PHACTR3: variants seen among roughly 807,000 people sequenced by gnomAD.
PHACTR3 encodes phosphatase and actin regulator 3.
PHACTR3 carries 16 observed loss-of-function variants against 66.8 expected under a neutral mutation model. The observed-to-expected ratio is 0.24, with a 90% CI of 0.16 to 0.36. The LOEUF (loss-of-function observed/expected upper bound fraction) is 0.36. Among genes scored for constraint, PHACTR3 ranks in the 10% least tolerant of loss-of-function variants. PHACTR3 has a pLI of 1.00. For synonymous variants in PHACTR3, 323 were observed against 292.1 expected, an observed-to-expected ratio of 1.11 and a Z score of -1.08; for missense variants, 647 against 719.9, an observed-to-expected ratio of 0.90 and a Z score of 1.16.
chr20:59,781,794 G>A (rs1601342909), intron 7 of PHACTR3, among the ~76,000 whole-genome samples: 1 of 152,072 alleles, frequency 6.6e-6, no homozygotes, highest in Admixed American at 6.5e-5. Flanking sequence ...TGTCCTAGGA[G>A]TAAGGCCCTA....
chr20:59,770,587 C>A (rs2040327322), intron 5 of PHACTR3, among the ~76,000 whole-genome samples: 1 of 152,198 alleles, frequency 6.6e-6, no homozygotes, highest in African/African-American at 2.4e-5. Context: ...AGGGTGCCGG[C>A]AGATTTGGTG....
chr20:59,675,811 C>T (rs1161446107), intron 1 of PHACTR3, among the ~76,000 whole-genome samples: 1 of 152,218 alleles, frequency 6.6e-6, no homozygotes, highest in Admixed American at 6.5e-5. Context: ...CTGAGAAACC[C>T]TGCACCAGGC....
Position 59,837,067 on chromosome 20 carries a change from C to T in PHACTR3, c.1384+507C>T, listed in dbSNP as rs186754409. Among the ~76,000 whole-genome samples, 876 of 152,256 alleles carry T rather than the reference C, an allele frequency of 5.8e-3. 5 individuals are homozygous for T. Among genetic ancestry groups the T allele is most frequent in the Non-Finnish European group, 6.1e-3 (417 of 68,010 alleles). ...CAGCCTTGCAACCCCTTGCATTTCC[C>T]GTTAGGTGGACAATTATAGCATATG... On this transcript the variant is annotated intron_variant, in intron 9 of 12. Coordinates refer to ENST00000371015, the MANE Select transcript of PHACTR3 (RefSeq NM_080672.5).
chr20:59,690,476 G>T (rs974023894), intron 1 of PHACTR3, among the ~76,000 whole-genome samples: 1 of 152,204 alleles, frequency 6.6e-6, no homozygotes, highest in Admixed American at 6.5e-5. Context: ...CTTCCTGAGA[G>T]CCAAGGTCAC....
chr20:59,761,180 G>A (rs1276971590), intron 4 of PHACTR3, among the ~76,000 whole-genome samples: 1 of 152,116 alleles, frequency 6.6e-6, no homozygotes, highest in South Asian at 2.1e-4. Context: ...GTGGAGCACT[G>A]CTCTAGTGGG....
chr20:59,826,651 T>TCCCTGC (rs1199555052), intron 8 of PHACTR3, among the ~76,000 whole-genome samples: 3 of 151,852 alleles, frequency 2.0e-5, no homozygotes, highest in Admixed American at 6.6e-5. Context: ...ACACACTCTG[T>TCCCTGC]CCCTGCCCTG....
intron 7 of PHACTR3, among the ~76,000 whole-genome samples, chr20:59,785,929 C>T (rs1182511): frequency 0.78 from 119,193 of 152,162 alleles, 49,830 homozygotes; most frequent in Non-Finnish European, 0.94. Context: ...GGTTTTCCAA[C>T]GGCCCTCTGC....
intron 1 of PHACTR3, among the ~76,000 whole-genome samples, chr20:59,657,678 C>T (rs2035665759): frequency 6.6e-6 from 1 of 152,084 alleles, no homozygotes. Context: ...GCTGTTAATC[C>T]TATTGAGGCA....
intron 1 of PHACTR3, among the ~76,000 whole-genome samples, chr20:59,625,880 G>T (rs1451139937): frequency 6.6e-6 from 1 of 152,132 alleles, no homozygotes; most frequent in African/African-American, 2.4e-5. Context: ...CTAGATCTGG[G>T]TGGCATTTGG....
At chr20:59,846,706 G>A (rs1014187524) in intron 12 of PHACTR3, among the ~76,000 whole-genome samples, 1 of 151,934 alleles carries the variant, frequency 6.6e-6, no homozygotes, top group South Asian at 2.1e-4. Context: ...GAGTCAGAAC[G>A]GTATTTTTGG....
At chr20:59,728,599 C>T (rs925224862) in intron 1 of PHACTR3, among the ~76,000 whole-genome samples, 4 of 151,998 alleles carry the variant, frequency 2.6e-5, no homozygotes, top group African/African-American at 9.7e-5. Flanking sequence ...GCTTTCTTAA[C>T]TCCTATTGAT....
intron 1 of PHACTR3, among the ~76,000 whole-genome samples, chr20:59,656,641 A>G (rs1015057984): frequency 6.6e-6 from 1 of 151,956 alleles, no homozygotes; most frequent in South Asian, 2.1e-4. Context: ...ATTTATTGTT[A>G]TAATGGATAT....
intron 8 of PHACTR3, among the ~76,000 whole-genome samples, chr20:59,833,851 G>C (rs772521135): frequency 1.4e-4 from 22 of 152,222 alleles, no homozygotes; most frequent in Non-Finnish European, 2.8e-4. Flanking sequence ...CAGTAGAGAA[G>C]GGGCTGCTGG....
chr20:59,731,535 T>G (rs1045324232), intron 1 of PHACTR3, among the ~76,000 whole-genome samples: 2 of 152,182 alleles, frequency 1.3e-5, no homozygotes, highest in African/African-American at 4.8e-5. Flanking sequence ...ATTTACAGAT[T>G]TGAGCTGAAT....
intron 1 of PHACTR3, among the ~76,000 whole-genome samples, chr20:59,611,942 G>A (rs2033864288): frequency 6.6e-6 from 1 of 152,184 alleles, no homozygotes; most frequent in African/African-American, 2.4e-5. Context: ...TTCAGGGAAG[G>A]TGCTTTTTAG....
chr20:59,614,217 T>C (rs555919551), intron 1 of PHACTR3, among the ~76,000 whole-genome samples: 5 of 152,352 alleles, frequency 3.3e-5, no homozygotes, highest in Non-Finnish European at 5.9e-5. Context: ...GGAATAGATA[T>C]GTGTGTTTCA....
At chr20:59,834,567 CTCT>C (rs2042472506) in intron 8 of PHACTR3, among the ~76,000 whole-genome samples, 1 of 152,218 alleles carries the variant, frequency 6.6e-6, no homozygotes, top group African/African-American at 2.4e-5. Context: ...CAGAAGTTTC[CTCT>C]TCCATGAAGC....
chr20:59,622,981 C>CAAAAAAAAAAAA lies in PHACTR3; in HGVS notation c.118+17858_118+17869dup, dbSNP rs71183177. Reference sequence around the variant, plus strand: ...ATTCTAATTTTACAGCAGCTTTAACCAAAAAAAAAAAAAAAAAAAACCCAA... The same window carrying CAAAAAAAAAAAA: ...ATTCTAATTTTACAGCAGCTTTAACCAAAAAAAAAAAAAAAAAAAAAAAAAAAAAAAACCCAA... On this transcript the variant is annotated intron_variant, in intron 1 of 12. Transcript: ENST00000371015. Among the ~76,000 whole-genome samples the CAAAAAAAAAAAA allele has an allele frequency of 2.5e-3, 79 of 32,196 alleles. 15 individuals are homozygous for CAAAAAAAAAAAA. Among genetic ancestry groups the CAAAAAAAAAAAA allele is most frequent in the African/African-American group, 2.9e-3 (21 of 7,236 alleles). 21.1% of individuals were successfully genotyped at this position (32,196 alleles called of 152,430 possible).
chr20:59,715,553 A>G lies in PHACTR3; in HGVS notation c.119-27554A>G, dbSNP rs937616884. Among the ~76,000 whole-genome samples the G allele has an allele frequency of 5.3e-5, 8 of 152,278 alleles. No individual in the cohort carries two copies. The South Asian group carries it at 1.0e-3, about 20-fold the overall frequency. ...TGTTTTCTTTAGGATTTCTGTATCT[A>G]TGGTCACGAAAGATAGGCCTGTCAT... On this transcript the variant is annotated intron_variant, in intron 1 of 12. Transcript: ENST00000371015.
Sources: gnomAD v4.1 joint callset for allele counts (sites outside exome capture counted in the v4.1 genomes callset) on GRCh38, gnomAD v4.1.1 for gene constraint, MANE v1.5 for transcripts, NCBI Gene and HGNC (gene_info 2026-07-23, HGNC 2026-07-21) for gene names.